The following SETBP1 variants were observed in gnomAD, a reference collection of about 807,000 sequenced individuals.
The protein encoded by SETBP1 is SET binding protein 1.
Under a neutral mutation model 101.0 loss-of-function variants are expected in SETBP1, and 9 were observed. That is an observed-to-expected ratio of 0.09 (90% confidence interval 0.05 to 0.16). The LOEUF is 0.16. SETBP1 is among the 10% of genes least tolerant of loss of function. The pLI is 1.00. For synonymous variants in SETBP1, 818 were observed against 788.5 expected (o/e 1.04, Z -0.63); for missense variants, 1,858 against 2,033.8 (o/e 0.91, Z 1.66).
chr18:45,052,091 C>T lies in SETBP1; in HGVS notation c.4172-10988C>T, dbSNP rs562181912. Among the ~76,000 whole-genome samples the T allele has an allele frequency of 1.7e-3, 263 of 152,372 alleles. 2 individuals are homozygous for T. The highest frequency in any genetic ancestry group is 6.1e-3 in the African/African-American group (254 of 41,586). On this transcript the variant is annotated intron_variant, in intron 5 of 5. Coordinates refer to ENST00000649279, the MANE Select transcript of SETBP1 (RefSeq NM_015559.3). ...GGGGAAGGCACAACATTCCATGCCC[C>T]GTACAGTGCCTGGCACAAACTGGGC...
chr18:44,883,605 T>C (rs1258084482), intron 3 of SETBP1, among the ~76,000 whole-genome samples: 2 of 152,164 alleles, frequency 1.3e-5, no homozygotes, highest in African/African-American at 2.4e-5. Flanking sequence ...CATGGAACAA[T>C]TAGGGTCCTT....
chr18:44,981,704 C>T (rs1288234369), intron 4 of SETBP1, among the ~76,000 whole-genome samples: 1 of 152,242 alleles, frequency 6.6e-6, no homozygotes, highest in Non-Finnish European at 1.5e-5. Flanking sequence ...TCTACATCGG[C>T]ATAGAGAAGA....
chr18:44,700,707 C>T (rs2069100813), intron 1 of SETBP1, among the ~76,000 whole-genome samples: 1 of 152,100 alleles, frequency 6.6e-6, no homozygotes, highest in Admixed American at 6.5e-5. Flanking sequence ...GAGCTTGGCC[C>T]AGGCAGCCTG....
chr18:45,050,240 G>A (rs1304694204), intron 5 of SETBP1, among the ~76,000 whole-genome samples: 4 of 152,182 alleles, frequency 2.6e-5, no homozygotes, highest in Non-Finnish European at 5.9e-5. Context: ...TGCCTTGTAC[G>A]GTGTAAGGTA....
chr18:44,738,959 G>T (rs1015323743), intron 2 of SETBP1, among the ~76,000 whole-genome samples: 5 of 152,028 alleles, frequency 3.3e-5, no homozygotes, highest in African/African-American at 1.2e-4. Flanking sequence ...TCAAATCAAG[G>T]TGTTGACAGA....
At chr18:44,850,279 C>A (rs749542809) in intron 2 of SETBP1, among the ~76,000 whole-genome samples, 2 of 152,236 alleles carry the variant, frequency 1.3e-5, no homozygotes, top group African/African-American at 2.4e-5. Flanking sequence ...CCCCTTCACT[C>A]AAGGGGGTCG....
chr18:45,032,482 A>G (rs1209367999), intron 4 of SETBP1, among the ~76,000 whole-genome samples: 1 of 152,220 alleles, frequency 6.6e-6, no homozygotes, highest in African/African-American at 2.4e-5. Flanking sequence ...GGTGAAATTT[A>G]TCTTAGAATG....
At chr18:44,992,764 A>C (rs1285175473) in intron 4 of SETBP1, among the ~76,000 whole-genome samples, 1 of 152,092 alleles carries the variant, frequency 6.6e-6, no homozygotes, top group Non-Finnish European at 1.5e-5. Flanking sequence ...AGTTCTGCCA[A>C]GAATTCCATT....
At chr18:44,733,692 A>G (rs2069892770) in intron 2 of SETBP1, among the ~76,000 whole-genome samples, 1 of 152,146 alleles carries the variant, frequency 6.6e-6, no homozygotes, top group African/African-American at 2.4e-5. Flanking sequence ...TGGAAAACAA[A>G]AACCCTCTTT....
intron 2 of SETBP1, among the ~76,000 whole-genome samples, chr18:44,764,448 TTTCTTCTTCTTTCTTCG>T (rs936512265): frequency 9.2e-5 from 14 of 152,058 alleles, no homozygotes; most frequent in Non-Finnish European, 1.3e-4. Flanking sequence ...TTCTTCCTTC[TTTCTTCTTCTTTCTTCG>T]TTCTTCTTCT....
intron 4 of SETBP1, among the ~76,000 whole-genome samples, chr18:44,958,986 T>C (rs1211292486): frequency 3.9e-5 from 6 of 151,960 alleles, no homozygotes; most frequent in Non-Finnish European, 5.9e-5. Context: ...TGTAGCAACG[T>C]AACAAAAAAA....
At chr18:44,990,693 A>C (rs1185890353) in intron 4 of SETBP1, among the ~76,000 whole-genome samples, 1 of 152,094 alleles carries the variant, frequency 6.6e-6, no homozygotes, top group African/African-American at 2.4e-5. Flanking sequence ...TCTACAAAAC[A>C]AAACACTAAA....
chr18:44,937,454 C>CAAAAAAAAAAAAAAAAAAAAAAAAA (rs34414710), intron 3 of SETBP1, among the ~76,000 whole-genome samples: 1 of 83,394 alleles, frequency 1.2e-5, no homozygotes, highest in African/African-American at 4.8e-5. Flanking sequence ...GACTCCGTCT[C>CAAAAAAAAAAAAAAAAAAAAAAAAA]AAAAAAAAAA....
At chr18:44,863,222 A>C (rs1599240961) in intron 2 of SETBP1, among the ~76,000 whole-genome samples, 1 of 151,516 alleles carries the variant, frequency 6.6e-6, no homozygotes, top group Admixed American at 6.6e-5. Flanking sequence ...CTCTGTCTTG[A>C]CCCCTGACAT....
intron 3 of SETBP1, among the ~76,000 whole-genome samples, chr18:44,912,220 A>C (rs2070326464): frequency 6.6e-6 from 1 of 152,164 alleles, no homozygotes; most frequent in Non-Finnish European, 1.5e-5. Flanking sequence ...TAAACATGAA[A>C]GTTTTCAAGT....
intron 4 of SETBP1, among the ~76,000 whole-genome samples, chr18:44,983,807 G>C (rs1004983194): frequency 1.3e-5 from 2 of 152,178 alleles, no homozygotes; most frequent in African/African-American, 4.8e-5. Flanking sequence ...TCTGTTTGCT[G>C]TCTGTCATTG....
intron 2 of SETBP1, among the ~76,000 whole-genome samples, chr18:44,752,236 A>G (rs2070398162): frequency 6.6e-6 from 1 of 152,202 alleles, no homozygotes; most frequent in African/African-American, 2.4e-5. Context: ...CCAATTATAG[A>G]GTGAGACACT....
At chr18:44,710,970 AG>A (rs1459823601) in intron 2 of SETBP1, among the ~76,000 whole-genome samples, 1 of 152,176 alleles carries the variant, frequency 6.6e-6, no homozygotes, top group Admixed American at 6.5e-5. Flanking sequence ...GGTCCTCAAG[AG>A]GCATACAGAC....
At chr18:44,759,196 G>A (rs534801391) in intron 2 of SETBP1, among the ~76,000 whole-genome samples, 2 of 152,300 alleles carry the variant, frequency 1.3e-5, no homozygotes, top group Admixed American at 6.5e-5. Flanking sequence ...TACAGGGCAT[G>A]GGATGGTGGC....
Sources: allele counts gnomAD v4.1 joint callset (sites outside exome capture counted in the v4.1 genomes callset), GRCh38; gene constraint gnomAD v4.1.1; transcripts MANE v1.5; gene names NCBI Gene and HGNC (gene_info 2026-07-23, HGNC 2026-07-21).